Variants in SLC12A2 observed in about 807,000 individuals in gnomAD.
SLC12A2 encodes the protein Na-K-2Cl cotransporter 1.
SLC12A2 carries 67 observed loss-of-function variants against 136.3 expected under a neutral mutation model. The observed-to-expected ratio is 0.49, with a 90% CI of 0.40 to 0.60. The LOEUF (loss-of-function observed/expected upper bound fraction) is 0.60. Ranked by LOEUF, SLC12A2 falls within the 20% of genes least tolerant of loss-of-function variation. The pLI is 0.00. For missense variants in SLC12A2, 1,322 were observed against 1,534.7 expected (o/e 0.86, Z 2.32); for synonymous variants, 619 against 562.9 (o/e 1.10, Z -1.41).
intron 1 of SLC12A2, among the ~76,000 whole-genome samples, chr5:128,108,431 A>G (rs1761025743): frequency 6.6e-6 from 1 of 152,254 alleles, no homozygotes; most frequent in Admixed American, 6.5e-5. Context: ...ATTAAAAAAA[A>G]GTGGCATATC....
At chr5:128,085,407 T>C (rs1051576272) in intron 1 of SLC12A2, among the ~76,000 whole-genome samples, 13 of 152,336 alleles carry the variant, frequency 8.5e-5, no homozygotes, top group South Asian at 8.3e-4. Context: ...AATTGGTTTT[T>C]CTGTAGAGGA....
At chr5:128,134,758 G>A (rs965468842) in intron 6 of SLC12A2, among the ~76,000 whole-genome samples, 1 of 152,032 alleles carries the variant, frequency 6.6e-6, no homozygotes, top group Non-Finnish European at 1.5e-5. Flanking sequence ...TTACCCATAA[G>A]CAGAGCACCC....
rs2126763511 is a variant in SLC12A2, at chr5:128,186,490, T to A, written c.3504-6T>A. On this transcript the variant is annotated splice_polypyrimidine_tract_variant and splice_region_variant and intron_variant, in intron 26 of 26. Coordinates refer to ENST00000262461, the MANE Select transcript of SLC12A2 (RefSeq NM_001046.3). ...TTTTTTTTTCTTTTTCTCTTTTTGA[T>A]ACCAGGAGTCTCCCAGTTGCACGAA... 1 of 1,598,300 alleles carries A rather than the reference T, an allele frequency of 6.3e-7. No individual in the cohort carries two copies. Among genetic ancestry groups the A allele is most frequent in the African/African-American group, 1.4e-5 (1 of 73,976 alleles).
chr5:128,178,625 TAC>T lies in SLC12A2; in HGVS notation c.3040_3041del (p.Gln1014ValfsTer11). 6.2e-7 allele frequency: 1 copy of T among 1,602,358 alleles called. No homozygotes were observed. The highest frequency in any genetic ancestry group is 8.5e-7 in the Non-Finnish European group (1 of 1,173,782). Reference protein sequence around the residue: ...VADQKLLEASTQFQKKQGKNT... With the variant: ...VADQKLLEASXQFQKKQGKNT... Reference sequence around the variant, plus strand: ...CTGACCAAAAGCTTCTTGAAGCTAGTACACAGTTTCAGAAAAAACAAGGAAAG... The same window carrying T: ...CTGACCAAAAGCTTCTTGAAGCTAGTACAGTTTCAGAAAAAACAAGGAAAG... On this transcript the variant is annotated frameshift_variant, in exon 22 of 27. Coordinates refer to ENST00000262461, the MANE Select transcript of SLC12A2 (RefSeq NM_001046.3). LOFTEE classifies it high-confidence loss of function.
Position 128,084,246 on chromosome 5 carries a change from G to T in SLC12A2, c.292G>T (p.Ala98Ser). ...CGCCGGGCGGGCCGCTGCTGCGGCG[G>T]CGGCGGCGGCGGCGGCAGCGGCGGC... is the stretch of plus-strand genomic sequence containing the variant. Reference protein sequence around the residue: ...ENAGRAAAAAAAAAAAAAAAG... With the variant: ...ENAGRAAAAASAAAAAAAAAG... The change falls in exon 1 of 27, where the codon GCG becomes TCG. Residue 98 changes from alanine (A) to serine (S), a missense_variant. Transcript: ENST00000262461. The surrounding 1 kb of genome is among the most constrained non-coding windows in gnomAD (Gnocchi z 5.6). 8.2e-7 allele frequency: 1 copy of T among 1,226,686 alleles called. No homozygotes were observed. The highest frequency in any genetic ancestry group is 1.0e-6 in the Non-Finnish European group (1 of 978,452). 76.0% of individuals were successfully genotyped at this position (1,226,686 alleles called of 1,614,324 possible).
intron 18 of SLC12A2, chr5:128,168,081 T>G: frequency 2.6e-6 from 1 of 390,914 alleles, no homozygotes; most frequent in Non-Finnish European, 4.5e-6. Context: ...TGCATATATA[T>G]ATATATACAC....
chr5:128,096,526 GTTTA>G (rs1411458992), intron 1 of SLC12A2, among the ~76,000 whole-genome samples: 1 of 151,876 alleles, frequency 6.6e-6, no homozygotes, highest in Non-Finnish European at 1.5e-5. Context: ...TTTGCTTTTT[GTTTA>G]TTTAATCACC....
chr5:128,125,487 A>G (rs1279820199), intron 4 of SLC12A2, among the ~76,000 whole-genome samples: 1 of 152,126 alleles, frequency 6.6e-6, no homozygotes, highest in Non-Finnish European at 1.5e-5. Context: ...TCTTTAGCCA[A>G]TTTAAAAATT....
rs570961379 is a variant in SLC12A2 at position 128,145,289 on chromosome 5, CT to C, written c.1774-2332del. 1.8e-3 allele frequency among the ~76,000 whole-genome samples: 278 copies of C among 152,198 alleles called. 1 individual carries two copies. The highest frequency in any genetic ancestry group is 6.2e-3 in the African/African-American group (259 of 41,554). ...CCTACAATGCAGAATGTATCATATA[CT>C]CTGTTCTCTACTTTCGTCCACTTAT... is the stretch of plus-strand genomic sequence containing the variant. On this transcript the variant is annotated intron_variant, in intron 10 of 26. Coordinates refer to ENST00000262461, the MANE Select transcript of SLC12A2 (RefSeq NM_001046.3).
chr5:128,175,734 ACTT>A (rs1024717706), intron 20 of SLC12A2, among the ~76,000 whole-genome samples: 8 of 151,948 alleles, frequency 5.3e-5, no homozygotes, highest in African/African-American at 1.9e-4. Context: ...GTACATTTCT[ACTT>A]ACCTTTTTAT....
intron 10 of SLC12A2, 71 bp from the exon 11 acceptor site, chr5:128,147,551 C>T: frequency 1.1e-6 from 1 of 930,002 alleles, no homozygotes; most frequent in Non-Finnish European, 1.7e-6. Context: ...AAGATGTGAC[C>T]ACATAATATT....
intron 1 of SLC12A2, among the ~76,000 whole-genome samples, chr5:128,088,858 G>A (rs1204780611): frequency 1.3e-5 from 2 of 152,096 alleles, no homozygotes; most frequent in African/African-American, 4.8e-5. Context: ...TACTCAAGAT[G>A]AAATGAGCTA....
chr5:128,162,808 G>GT (rs2126735596), intron 17 of SLC12A2, among the ~76,000 whole-genome samples: 1 of 152,276 alleles, frequency 6.6e-6, no homozygotes, highest in South Asian at 2.1e-4. Flanking sequence ...CCAAAATTAA[G>GT]TCTGCCAATA....
intron 1 of SLC12A2, among the ~76,000 whole-genome samples, chr5:128,099,791 C>T (rs1427093113): frequency 1.3e-5 from 2 of 152,102 alleles, no homozygotes; most frequent in African/African-American, 4.8e-5. Context: ...TCACTTTCAC[C>T]CCCACACCTT....
intron 1 of SLC12A2, among the ~76,000 whole-genome samples, chr5:128,091,129 A>G (rs1760299682): frequency 6.6e-6 from 1 of 152,238 alleles, no homozygotes; most frequent in African/African-American, 2.4e-5. Context: ...GTAGTGATTG[A>G]TACAATGAGA....
At chr5:128,178,341 T>A (rs767158040) in intron 21 of SLC12A2, 5 of 284,458 alleles carry the variant, frequency 1.8e-5, no homozygotes, top group Non-Finnish European at 2.6e-5. Flanking sequence ...AGGCAGATAA[T>A]TTGGATTGGT....
chr5:128,110,879 C>A, intron 1 of SLC12A2: 2 of 1,290,468 alleles, frequency 1.5e-6, no homozygotes, highest in Non-Finnish European at 2.3e-6. Flanking sequence ...CAGGAATATG[C>A]CAATTTACAA....
At chr5:128,120,259 T>G (rs1761505681) in intron 4 of SLC12A2, among the ~76,000 whole-genome samples, 1 of 149,548 alleles carries the variant, frequency 6.7e-6, no homozygotes, top group African/African-American at 2.5e-5. Flanking sequence ...ACACCGTTGG[T>G]GGGACTGTAA....
intron 11 of SLC12A2, among the ~76,000 whole-genome samples, chr5:128,148,157 A>G (rs1762590181): frequency 1.3e-5 from 2 of 151,744 alleles, no homozygotes; most frequent in Admixed American, 6.6e-5. Context: ...TGTGTTCATT[A>G]CTTAAGGGTA....
Sources: allele counts gnomAD v4.1 joint callset (sites outside exome capture counted in the v4.1 genomes callset), GRCh38; gene constraint gnomAD v4.1.1; non-coding constraint Gnocchi (gnomAD v3.1); transcripts MANE v1.5; gene names NCBI Gene and HGNC (gene_info 2026-07-23, HGNC 2026-07-21).